Variants in TRIP12 observed in about 807,000 individuals in gnomAD.
TRIP12 encodes thyroid hormone receptor interactor 12.
In TRIP12, 25 loss-of-function variants were observed where a neutral mutation model predicts 244.2. The ratio of observed to expected loss-of-function variants is 0.10; its 90% CI spans 0.07 to 0.14. The LOEUF is 0.14. Among genes scored for constraint, TRIP12 ranks in the 10% least tolerant of loss-of-function variants. The pLI is 1.00. For synonymous variants in TRIP12, 905 were observed against 873.1 expected, an observed-to-expected ratio of 1.04 and a Z score of -0.64; for missense variants, 1,677 against 2,486.4, an observed-to-expected ratio of 0.67 and a Z score of 6.92.
At chr2:229,775,959 CA>C (rs924901992) in intron 37 of TRIP12, among the ~76,000 whole-genome samples, 1 of 151,718 alleles carries the variant, frequency 6.6e-6, no homozygotes, top group African/African-American at 2.4e-5. Context: ...GAACAAATCT[CA>C]AAAAAACAAA....
chr2:229,823,429 T>C (rs1349642409), intron 8 of TRIP12, among the ~76,000 whole-genome samples: 1 of 151,848 alleles, frequency 6.6e-6, no homozygotes, highest in African/African-American at 2.4e-5. Context: ...GTCCCAGCAT[T>C]TTGAGAGGCC....
chr2:229,840,801 A>AT, intron 5 of TRIP12, 21 bp downstream of exon 5: 7 of 296,396 alleles, frequency 2.4e-5, no homozygotes, highest in African/African-American at 3.2e-5. Flanking sequence ...AACTCACTAT[A>AT]AAAAAAAAAA....
At position 229,767,369 on chromosome 2, in the gene TRIP12, T is replaced by C; in HGVS notation, c.*185A>G. 1.9e-6 allele frequency: 1 copy of C among 521,188 alleles called. No homozygotes were observed. Among genetic ancestry groups the C allele is most frequent in the Non-Finnish European group, 3.0e-6 (1 of 329,942 alleles). The allele number at this position is 521,188 out of a possible 1,614,324, so 32.3% of individuals were successfully genotyped here. A position where few individuals can be genotyped will look rare whatever the true frequency, so the allele number is the denominator to read the frequency against. On this transcript the variant is annotated 3_prime_UTR_variant, in exon 42 of 42. Coordinates refer to ENST00000675903, the MANE Select transcript of TRIP12 (RefSeq NM_001348323.3). ...CTCATCACAACAACGTTTTAGGGCCTGATCACTTTAAGTCCATGGGGCCAT... is the reference window on the plus strand; with the variant it reads ...CTCATCACAACAACGTTTTAGGGCCCGATCACTTTAAGTCCATGGGGCCAT...
chr2:229,904,340 C>T (rs1437078554), intron 1 of TRIP12, among the ~76,000 whole-genome samples: 1 of 150,702 alleles, frequency 6.6e-6, no homozygotes, highest in East Asian at 2.0e-4. Context: ...ATCGCTTGAA[C>T]CCAGGAGGTA....
chr2:229,817,752 G>A (rs1338913095), intron 9 of TRIP12, among the ~76,000 whole-genome samples: 7 of 151,990 alleles, frequency 4.6e-5, no homozygotes, highest in Non-Finnish European at 7.4e-5. Flanking sequence ...CTGCAACCAT[G>A]CCCGGCTAAT....
intron 9 of TRIP12, among the ~76,000 whole-genome samples, chr2:229,815,535 C>G (rs1052679038): frequency 2.6e-5 from 4 of 152,140 alleles, no homozygotes; most frequent in African/African-American, 9.7e-5. Context: ...GCTAGATAAC[C>G]ATCACCTCGT....
At chr2:229,850,923 G>A (rs750192424) in intron 4 of TRIP12, among the ~76,000 whole-genome samples, 1 of 152,238 alleles carries the variant, frequency 6.6e-6, no homozygotes, top group Non-Finnish European at 1.5e-5. Flanking sequence ...CGCTGCACTC[G>A]ATTTCTCGCC....
chr2:229,904,728 A>G (rs749987464), intron 1 of TRIP12, among the ~76,000 whole-genome samples: 10 of 152,354 alleles, frequency 6.6e-5, no homozygotes, highest in East Asian at 5.8e-4. Flanking sequence ...CTCAAAAAGC[A>G]TAAGTTTTAA....
intron 2 of TRIP12, among the ~76,000 whole-genome samples, chr2:229,863,312 T>G (rs915639802): frequency 1.3e-5 from 2 of 151,848 alleles, no homozygotes; most frequent in Non-Finnish European, 2.9e-5. Context: ...AAGTGTGATA[T>G]TCTAAGGACT....
chr2:229,874,943 A>G (rs752606519), intron 2 of TRIP12, among the ~76,000 whole-genome samples: 1 of 152,208 alleles, frequency 6.6e-6, no homozygotes, highest in African/African-American at 2.4e-5. Flanking sequence ...CACACGGTAT[A>G]ATAAAAACGC....
At chr2:229,863,135 A>G (rs2060731401) in intron 2 of TRIP12, among the ~76,000 whole-genome samples, 1 of 151,854 alleles carries the variant, frequency 6.6e-6, no homozygotes, top group Non-Finnish European at 1.5e-5. Context: ...AGGCTGAGGC[A>G]GAAGAATTGC....
intron 8 of TRIP12, among the ~76,000 whole-genome samples, chr2:229,820,428 AC>A (rs1395741927): frequency 6.6e-6 from 1 of 152,166 alleles, no homozygotes; most frequent in African/African-American, 2.4e-5. Flanking sequence ...ATGAGGAGAA[AC>A]CAACTCCTAG....
intron 33 of TRIP12, 131 bp from the exon 34 acceptor site, chr2:229,785,986 A>T (rs2039884447): frequency 1.4e-6 from 1 of 723,858 alleles, no homozygotes; most frequent in African/African-American, 1.8e-5. Context: ...TTAAACAGGT[A>T]ACTCAGAAAA....
At chr2:229,880,653 C>T (rs563242959) in intron 1 of TRIP12, among the ~76,000 whole-genome samples, 12 of 152,174 alleles carry the variant, frequency 7.9e-5, no homozygotes, top group Non-Finnish European at 1.3e-4. Context: ...TAAATACAAA[C>T]AAAATCGTGG....
chr2:229,820,113 T>G (rs1025089421), intron 8 of TRIP12, among the ~76,000 whole-genome samples: 2 of 151,976 alleles, frequency 1.3e-5, no homozygotes, highest in African/African-American at 4.8e-5. Context: ...GATAGAAAAA[T>G]AGTGAAAACA....
At chr2:229,803,536 C>T in intron 20 of TRIP12, 35 bp downstream of exon 20, 1 of 1,362,422 alleles carries the variant, frequency 7.3e-7, no homozygotes, top group African/African-American at 1.5e-5. Flanking sequence ...GAAGTACTAT[C>T]TAGACTAAAT....
chr2:229,884,659 T>C (rs1037941125), intron 1 of TRIP12, among the ~76,000 whole-genome samples: 6 of 152,096 alleles, frequency 3.9e-5, no homozygotes, highest in African/African-American at 9.7e-5. Context: ...TTCAGAACAC[T>C]GAAAGAAATC....
chr2:229,921,272 G>A (rs1301518066), intron 1 of TRIP12: 1 of 152,312 alleles, frequency 6.6e-6, no homozygotes, highest in African/African-American at 2.4e-5. Context: ...ACCCCTTACT[G>A]CGGTCTAAAG....
At chr2:229,855,010 T>A (rs1000034276) in intron 4 of TRIP12, among the ~76,000 whole-genome samples, 1 of 152,204 alleles carries the variant, frequency 6.6e-6, no homozygotes, top group African/African-American at 2.4e-5. Context: ...ATGCCTGTAA[T>A]CCCAGCATTC....
Sources: allele counts gnomAD v4.1 joint callset (sites outside exome capture counted in the v4.1 genomes callset), GRCh38; gene constraint gnomAD v4.1.1; transcripts MANE v1.5; gene names NCBI Gene and HGNC (gene_info 2026-07-23, HGNC 2026-07-21).